The following DNAH9 variants were observed in gnomAD, a reference collection of about 807,000 sequenced individuals.
DNAH9 encodes DNAH9 variant protein.
Under a neutral mutation model 471.6 loss-of-function variants are expected in DNAH9, and 345 were observed. The ratio of observed to expected loss-of-function variants is 0.73; its 90% confidence interval spans 0.67 to 0.80. DNAH9 has a LOEUF of 0.80. DNAH9 is among the 30% of genes least tolerant of loss of function. The pLI, the probability that DNAH9 is intolerant of heterozygous loss-of-function variation, is 0.00. For missense variants in DNAH9, 5,407 were observed against 5,609.2 expected, an observed-to-expected ratio of 0.96 and a Z score of 1.15; for synonymous variants, 2,093 against 2,123.6, an observed-to-expected ratio of 0.99 and a Z score of 0.40.
At chr17:11,660,059 A>C (rs2073728282) in intron 14 of DNAH9, among the ~76,000 whole-genome samples, 1 of 152,058 alleles carries the variant, frequency 6.6e-6, no homozygotes, top group Non-Finnish European at 1.5e-5. Flanking sequence ...AAAGAACCAA[A>C]TTTTGATTTT....
At chr17:11,693,478 C>T (rs764500499) in intron 20 of DNAH9, among the ~76,000 whole-genome samples, 36 of 151,560 alleles carry the variant, frequency 2.4e-4, no homozygotes, top group South Asian at 4.2e-4. Flanking sequence ...AGGCTGGTCT[C>T]AAACTCCTGG....
chr17:11,931,341 T>G (rs1974501944), intron 63 of DNAH9, among the ~76,000 whole-genome samples: 1 of 152,174 alleles, frequency 6.6e-6, no homozygotes, highest in Non-Finnish European at 1.5e-5. Context: ...TCATGCAGGT[T>G]ATTTGAGATG....
intron 33 of DNAH9, among the ~76,000 whole-genome samples, chr17:11,755,662 CTT>C (rs11286116): frequency 3.3e-5 from 5 of 151,774 alleles, no homozygotes; most frequent in East Asian, 1.9e-4. Flanking sequence ...GTTTAAATAA[CTT>C]TTTTTTTCTG....
Position 11,854,300 on chromosome 17 carries a change from G to A in DNAH9, c.9805G>A (p.Val3269Ile), listed in dbSNP as rs1239445773. ...TGCGGCTGCAGGCCTCTGCTCCTGG[G>A]TCATCAATATTGTGAGATTTTATGA... The part of the protein sequence containing the change: ...SYAAAGLCSW[V>I]INIVRFYEVF... The change falls in exon 50 of 69, where the codon GTC becomes ATC. Residue 3269 changes from valine to isoleucine, a missense_variant. Around this residue, in one of 3 missense-constraint regions of DNAH9, gnomAD observed 4,636 missense variants for 4,900.3 expected, o/e 0.95. Coordinates refer to ENST00000262442, the MANE Select transcript of DNAH9 (RefSeq NM_001372.4). 3 of 1,614,048 alleles carry A rather than the reference G, an allele frequency of 1.9e-6. No homozygotes were observed. Among genetic ancestry groups the A allele is most frequent in the Non-Finnish European group, 2.5e-6 (3 of 1,180,050 alleles).
chr17:11,708,006 CACACACACAGAGAGAGAGAGAGAGAGAG>C (rs1171127755), intron 26 of DNAH9, among the ~76,000 whole-genome samples: 10 of 48,286 alleles, frequency 2.1e-4, no homozygotes, highest in African/African-American at 5.3e-4. Context: ...CACACACACA[CACACACACAGAGAGAGAGAGAGAGAGAG>C]AGAGAGAGAG....
intron 61 of DNAH9, among the ~76,000 whole-genome samples, chr17:11,912,529 G>GT: frequency 6.6e-6 from 1 of 152,088 alleles, no homozygotes; most frequent in Non-Finnish European, 1.5e-5. Context: ...AAGTTGTTGG[G>GT]TTTTGTCAAA....
At chr17:11,853,868 T>C (rs1393904114) in intron 49 of DNAH9, 135 bp from the exon 50 acceptor site, 1 of 801,528 alleles carries the variant, frequency 1.2e-6, no homozygotes, top group Non-Finnish European at 1.9e-6. Flanking sequence ...GTCATGATAT[T>C]TAAAATTCAG....
intron 49 of DNAH9, among the ~76,000 whole-genome samples, chr17:11,839,723 C>G (rs942652053): frequency 6.6e-6 from 1 of 151,974 alleles, no homozygotes; most frequent in South Asian, 2.1e-4. Flanking sequence ...TGGAAATTAC[C>G]AAATTACTTT....
chr17:11,658,398 T>C (rs1485620551), intron 14 of DNAH9, among the ~76,000 whole-genome samples: 1 of 152,196 alleles, frequency 6.6e-6, no homozygotes, highest in Non-Finnish European at 1.5e-5. Context: ...TTATTAGATG[T>C]AGTAATTGCT....
At chr17:11,903,632 C>T (rs551159950) in intron 60 of DNAH9, among the ~76,000 whole-genome samples, 1 of 152,016 alleles carries the variant, frequency 6.6e-6, no homozygotes, top group Non-Finnish European at 1.5e-5. Flanking sequence ...AGGGAGGGCC[C>T]GGGCGCGGTG....
intron 43 of DNAH9, among the ~76,000 whole-genome samples, chr17:11,800,108 C>T (rs1900793507): frequency 6.6e-6 from 1 of 152,158 alleles, no homozygotes; most frequent in Non-Finnish European, 1.5e-5. Flanking sequence ...ACTCCCAGCG[C>T]CTTATTCCCA....
At chr17:11,907,574 G>C (rs1169553061) in intron 61 of DNAH9, among the ~76,000 whole-genome samples, 3 of 152,120 alleles carry the variant, frequency 2.0e-5, no homozygotes, top group Non-Finnish European at 4.4e-5. Flanking sequence ...GTTAACTTTG[G>C]AATGTCCTTT....
chr17:11,860,807 C>T (rs974953379), intron 50 of DNAH9, among the ~76,000 whole-genome samples: 5 of 152,054 alleles, frequency 3.3e-5, no homozygotes, highest in Admixed American at 6.6e-5. Flanking sequence ...GTGATCTGCC[C>T]GCCTCGGCCT....
Position 11,892,745 on chromosome 17 carries a change from G to A in DNAH9, c.11283+798G>A, listed in dbSNP as rs555775305. Reference sequence around the variant, plus strand: ...TTTTTTGTATTTTAAGTAGAGATGGGGTTTCACCATATTGGCCAGGCTCGT... The same window carrying A: ...TTTTTTGTATTTTAAGTAGAGATGGAGTTTCACCATATTGGCCAGGCTCGT... On this transcript the variant is annotated intron_variant, in intron 58 of 68. Transcript: ENST00000262442. The surrounding 1 kb of genome is among the most constrained non-coding windows in gnomAD (Gnocchi z 4.3). Among the ~76,000 whole-genome samples the A allele has an allele frequency of 3.9e-5, 6 of 152,018 alleles. No homozygotes were observed. In the East Asian group the frequency reaches 1.2e-3, roughly 29 times the overall value.
At chr17:11,617,933 C>T (rs534600918) in intron 5 of DNAH9, among the ~76,000 whole-genome samples, 4 of 152,318 alleles carry the variant, frequency 2.6e-5, no homozygotes, top group African/African-American at 9.6e-5. Flanking sequence ...GCAGCAAAGC[C>T]TAAGCAGTAA....
intron 63 of DNAH9, 57 bp downstream of exon 63, chr17:11,930,150 A>C: frequency 6.9e-7 from 1 of 1,450,838 alleles, no homozygotes; most frequent in Non-Finnish European, 9.6e-7. Context: ...AGCTGATGCA[A>C]ACTGGTGGGG....
At chr17:11,759,501 G>A (rs1024641997) in intron 35 of DNAH9, among the ~76,000 whole-genome samples, 1 of 144,858 alleles carries the variant, frequency 6.9e-6, no homozygotes, top group Non-Finnish European at 1.5e-5. Flanking sequence ...ATATACATAG[G>A]TATATATACA....
At chr17:11,700,757 G>C (rs1473845916) in intron 23 of DNAH9, among the ~76,000 whole-genome samples, 1 of 152,124 alleles carries the variant, frequency 6.6e-6, no homozygotes, top group Non-Finnish European at 1.5e-5. Context: ...ATCCTGGTTT[G>C]CGCTTCATAC....
chr17:11,800,067 A>C (rs758496501), intron 43 of DNAH9, among the ~76,000 whole-genome samples: 4 of 152,220 alleles, frequency 2.6e-5, no homozygotes, highest in Non-Finnish European at 5.9e-5. Flanking sequence ...TCCCGTGATA[A>C]CTGCATTACA....
Sources: allele counts gnomAD v4.1 joint callset (sites outside exome capture counted in the v4.1 genomes callset), GRCh38; gene constraint gnomAD v4.1.1; regional missense constraint gnomAD v4.1.1; non-coding constraint Gnocchi (gnomAD v3.1); transcripts MANE v1.5; gene names NCBI Gene and HGNC (gene_info 2026-07-23, HGNC 2026-07-21).